BARX2: variants seen among roughly 807,000 people sequenced by gnomAD.
BARX2 encodes homeobox protein BarH-like 2.
BARX2 carries 11 observed loss-of-function variants against 25.5 expected under a neutral mutation model. The ratio of observed to expected loss-of-function variants is 0.43; its 90% CI spans 0.27 to 0.71. BARX2 has a LOEUF of 0.71. Ranked by LOEUF, BARX2 falls within the 30% of genes least tolerant of loss-of-function variation. The pLI, the probability that BARX2 is intolerant of heterozygous loss-of-function variation, is 0.19. For synonymous variants in BARX2, 137 were observed against 149.5 expected (o/e 0.92, Z 0.61); for missense variants, 360 against 359.9 (o/e 1.00, Z 0.00).
At chr11:129,421,118 T>A (rs1445349028) in intron 1 of BARX2, among the ~76,000 whole-genome samples, 2 of 152,130 alleles carry the variant, frequency 1.3e-5, no homozygotes, top group Non-Finnish European at 2.9e-5. Flanking sequence ...GCAACTGTCT[T>A]TGGTCCTGGT....
At chr11:129,427,435 C>T (rs894360658) in intron 1 of BARX2, among the ~76,000 whole-genome samples, 9 of 152,116 alleles carry the variant, frequency 5.9e-5, no homozygotes, top group African/African-American at 1.2e-4. Context: ...TTATCCATGG[C>T]GTACATCTTC....
At chr11:129,408,842 A>G (rs1431214037) in intron 1 of BARX2, among the ~76,000 whole-genome samples, 3 of 152,246 alleles carry the variant, frequency 2.0e-5, no homozygotes, top group African/African-American at 7.2e-5. Flanking sequence ...CTCCTTGAGC[A>G]GACCATGTTT....
intron 1 of BARX2, among the ~76,000 whole-genome samples, chr11:129,394,226 G>A (rs555056667): frequency 6.6e-6 from 1 of 152,254 alleles, no homozygotes; most frequent in Admixed American, 6.5e-5. Context: ...TGTACCTACG[G>A]TTCACTCATT....
At chr11:129,425,244 G>A (rs553379993) in intron 1 of BARX2, among the ~76,000 whole-genome samples, 10 of 152,258 alleles carry the variant, frequency 6.6e-5, no homozygotes, top group South Asian at 6.2e-4. Flanking sequence ...TTTCAATCTC[G>A]TGAGAAACAG....
chr11:129,432,468 T>C (rs60594398), intron 1 of BARX2, among the ~76,000 whole-genome samples: 18,305 of 152,212 alleles, frequency 0.12, 1,141 homozygotes, highest in East Asian at 0.16. Flanking sequence ...GGGAGAAAAT[T>C]GACATAAAGC....
chr11:129,442,726 G>A (rs752175611), intron 2 of BARX2, 109 bp from the exon 3 acceptor site: 36 of 959,738 alleles, frequency 3.8e-5, no homozygotes, highest in Non-Finnish European at 5.6e-5. Context: ...GGGGAGGTCC[G>A]AGCCTTGGTA....
intron 1 of BARX2, among the ~76,000 whole-genome samples, chr11:129,382,988 G>A (rs1861583792): frequency 6.6e-6 from 1 of 152,184 alleles, no homozygotes; most frequent in African/African-American, 2.4e-5. Context: ...TGCCTGAGAG[G>A]ATGGAACGGT....
At chr11:129,395,306 C>T (rs2135389993) in intron 1 of BARX2, among the ~76,000 whole-genome samples, 1 of 152,276 alleles carries the variant, frequency 6.6e-6, no homozygotes, top group East Asian at 1.9e-4. Flanking sequence ...CATTGTCATA[C>T]AACTCTGCTG....
rs1160300448 is a variant in BARX2 at position 129,375,861 on chromosome 11, G to A, written c.-175G>A. 2 of 170,036 alleles carry A rather than the reference G, an allele frequency of 1.2e-5. No individual in the cohort carries two copies. Among genetic ancestry groups the A allele is most frequent in the Non-Finnish European group, 2.4e-5 (2 of 84,516 alleles). The allele number at this position is 170,036 out of a possible 1,614,324, so 10.5% of individuals were successfully genotyped here. A position where few individuals can be genotyped will look rare whatever the true frequency, so the allele number is the denominator to read the frequency against. ...AGATGCTGATCTGCGGGTGGGTCTA[G>A]ACGCGCGGCAGGCGCGCCCGCTACC... On this transcript the variant is annotated 5_prime_UTR_variant, in exon 1 of 4. Coordinates refer to ENST00000281437, the MANE Select transcript of BARX2 (RefSeq NM_003658.5). The surrounding 1 kb of genome is among the most constrained non-coding windows in gnomAD (Gnocchi z 4.0).
rs1417133031 is a variant in BARX2 at position 129,376,432 on chromosome 11, G to C, written c.187+210G>C. ...GGATGGCACGAGTGGAAATAAAGGC[G>C]GCAGGGCCTTAGGAGTGGGCTGCTC... On this transcript the variant is annotated intron_variant, in intron 1 of 3. Transcript: ENST00000281437. This position sits in a 1 kb window ranked among gnomAD's most constrained non-coding sequence, Gnocchi z 4.2. Among the ~76,000 whole-genome samples the C allele has an allele frequency of 6.6e-6, 1 of 152,238 alleles. No homozygotes were observed. The highest frequency in any genetic ancestry group is 1.5e-5 in the Non-Finnish European group (1 of 68,052).
At chr11:129,423,763 C>A (rs543214437) in intron 1 of BARX2, among the ~76,000 whole-genome samples, 2 of 152,134 alleles carry the variant, frequency 1.3e-5, no homozygotes, top group African/African-American at 4.8e-5. Context: ...CTATATAATG[C>A]CTGTCTCTTC....
chr11:129,386,221 C>T (rs1861615555), intron 1 of BARX2, among the ~76,000 whole-genome samples: 1 of 152,162 alleles, frequency 6.6e-6, no homozygotes, highest in Admixed American at 6.5e-5. Flanking sequence ...GGTTTTTCTG[C>T]TTCTTCTTAC....
At chr11:129,420,227 G>C (rs1467270312) in intron 1 of BARX2, among the ~76,000 whole-genome samples, 1 of 152,088 alleles carries the variant, frequency 6.6e-6, no homozygotes, top group Non-Finnish European at 1.5e-5. Context: ...CCAAGCAGAA[G>C]CTTTTTGGAT....
Position 129,379,017 on chromosome 11 carries a change from G to A in BARX2, c.187+2795G>A, listed in dbSNP as rs114567301. On this transcript the variant is annotated intron_variant, in intron 1 of 3. Transcript: ENST00000281437. ...ATCACCTGACAGGAATTTATTGTTC[G>A]ACATTCTAGCCTTGATGGAATCCTC... Among the ~76,000 whole-genome samples the A allele has an allele frequency of 2.1e-3, 326 of 152,184 alleles. 1 individual carries two copies. The highest frequency in any genetic ancestry group is 7.7e-3 in the African/African-American group (318 of 41,528).
chr11:129,392,961 C>T (rs960141587), intron 1 of BARX2, among the ~76,000 whole-genome samples: 1 of 152,044 alleles, frequency 6.6e-6, no homozygotes, highest in South Asian at 2.1e-4. Flanking sequence ...TTATTATTCT[C>T]ATTTGACAGG....
chr11:129,421,085 G>C (rs7111979), intron 1 of BARX2, among the ~76,000 whole-genome samples: 8,643 of 152,240 alleles, frequency 0.057, 834 homozygotes, highest in African/African-American at 0.2. Flanking sequence ...CAAGGGAAGA[G>C]AAAGGCCTTC....
chr11:129,403,212 A>G (rs1236764205), intron 1 of BARX2, among the ~76,000 whole-genome samples: 2 of 152,210 alleles, frequency 1.3e-5, no homozygotes, highest in Non-Finnish European at 2.9e-5. Context: ...TTACTTTGAA[A>G]TTGTTTCTTC....
chr11:129,412,393 G>T (rs1861899116), intron 1 of BARX2, among the ~76,000 whole-genome samples: 1 of 152,214 alleles, frequency 6.6e-6, no homozygotes, highest in South Asian at 2.1e-4. Flanking sequence ...CCCAAATTGG[G>T]ACTAAGCCTG....
chr11:129,391,049 C>T (rs1861660779), intron 1 of BARX2, among the ~76,000 whole-genome samples: 1 of 152,126 alleles, frequency 6.6e-6, no homozygotes, highest in African/African-American at 2.4e-5. Flanking sequence ...TCTTACCTCC[C>T]CAGTATGTTG....
Sources: gnomAD v4.1 joint callset for allele counts (sites outside exome capture counted in the v4.1 genomes callset) on GRCh38, gnomAD v4.1.1 for gene constraint, Gnocchi (gnomAD v3.1) non-coding constraint, MANE v1.5 for transcripts, NCBI Gene and HGNC (gene_info 2026-07-23, HGNC 2026-07-21) for gene names.